Variants in GAK observed in about 807,000 individuals in gnomAD.
GAK encodes cyclin G associated kinase.
A neutral mutation model predicts 143.9 loss-of-function variants in GAK; 79 were observed. The observed-to-expected ratio is 0.55, with a 90% CI of 0.46 to 0.66. The LOEUF is 0.66. GAK is among the 30% of genes least tolerant of loss of function. GAK has a pLI of 0.00. For missense variants in GAK, 1,693 were observed against 1,779.7 expected, an observed-to-expected ratio of 0.95 and a Z score of 0.88; for synonymous variants, 881 against 765.5, an observed-to-expected ratio of 1.15 and a Z score of -2.49.
intron 17 of GAK, 79 bp from the exon 18 acceptor site, chr4:876,688 G>A (rs567812384): frequency 6.0e-5 from 75 of 1,252,196 alleles, no homozygotes; most frequent in Non-Finnish European, 8.3e-5. Context: ...TTTCCCAATG[G>A]GCGAGATCTG....
intron 17 of GAK, 33 bp from the exon 18 acceptor site, chr4:876,642 G>A (rs373316639): frequency 6.3e-7 from 1 of 1,590,862 alleles, no homozygotes; most frequent in Non-Finnish European, 8.6e-7. Context: ...ACCCCACGTG[G>A]AGGGTGAATC....
Position 885,179 on chromosome 4 carries a change from G to A in GAK, c.1206-1093C>T, listed in dbSNP as rs190333870. 3.0e-3 allele frequency among the ~76,000 whole-genome samples: 458 copies of A among 152,256 alleles called. 2 individuals are homozygous for A. Among genetic ancestry groups the A allele is most frequent in the African/African-American group, 0.01 (426 of 41,536 alleles). The stretch of plus-strand genomic sequence containing the variant: ...GTCTTCCAAAGCAACAAGGGAAGAC[G>A]GGGAGGCACGGTGAGCCTGACGCTT... On this transcript the variant is annotated intron_variant, in intron 11 of 27. Transcript: ENST00000314167.
intron 7 of GAK, among the ~76,000 whole-genome samples, chr4:895,827 G>A (rs961406343): frequency 1.3e-5 from 2 of 152,178 alleles, no homozygotes; most frequent in South Asian, 4.1e-4. Flanking sequence ...CAGCAAGGCT[G>A]GGGTGTGGCA....
intron 3 of GAK, 46 bp downstream of exon 3, chr4:912,689 C>T (rs1366564843): frequency 1.3e-6 from 2 of 1,521,080 alleles, no homozygotes; most frequent in Admixed American, 3.4e-5. Context: ...CAGGCCTGTG[C>T]CTGCCAAAGC....
Position 911,831 on chromosome 4 carries a change from C to T in GAK, c.268-44G>A, listed in dbSNP as rs1038834935. ...AGGAGAACGTACATAACCATGTCCACAGTTCTGTGCACTTCAAAATAAATG... is the reference window on the plus strand; with the variant it reads ...AGGAGAACGTACATAACCATGTCCATAGTTCTGTGCACTTCAAAATAAATG... On this transcript the variant is annotated intron_variant, in intron 3 of 27. Transcript: ENST00000314167. 6 of 1,392,890 alleles carry T rather than the reference C, an allele frequency of 4.3e-6. No individual in the cohort carries two copies. The Admixed American group carries it at 8.4e-5, about 20-fold the overall frequency. 86.3% of individuals were successfully genotyped at this position (1,392,890 alleles called of 1,614,324 possible).
chr4:930,361 T>C (rs762510264), intron 1 of GAK, among the ~76,000 whole-genome samples: 6 of 152,036 alleles, frequency 3.9e-5, no homozygotes, highest in Non-Finnish European at 5.9e-5. Flanking sequence ...CAAGTTCTTT[T>C]GCACAACCTC....
intron 21 of GAK, 141 bp downstream of exon 21, chr4:866,815 G>A (rs1751270542): frequency 2.4e-5 from 17 of 720,082 alleles, no homozygotes; most frequent in Non-Finnish European, 3.2e-5. Flanking sequence ...ACATGACCCC[G>A]AGGCTGCTCC....
intron 17 of GAK, 57 bp downstream of exon 17, chr4:877,033 C>G (rs983436838): frequency 8.2e-6 from 10 of 1,223,950 alleles, no homozygotes; most frequent in Non-Finnish European, 1.1e-5. Flanking sequence ...TGGCCCCCAG[C>G]CCCCCATGAG....
intron 27 of GAK, 59 bp from the exon 28 acceptor site, chr4:849,833 G>GGGGGCCCCCCCCC: frequency 8.4e-7 from 1 of 1,190,150 alleles, no homozygotes; most frequent in Non-Finnish European, 1.2e-6. Context: ...GGCGGGGCAG[G>GGGGGCCCCCCCCC]ACCCCCCCCC....
At chr4:887,203 T>A (rs1368281489) in intron 11 of GAK, 16 of 131,988 alleles carry the variant, frequency 1.2e-4, no homozygotes, top group Admixed American at 2.3e-4. Context: ...GCTCGCGCAC[T>A]CACGCGTACA....
At chr4:862,774 G>T (rs1030998628) in intron 23 of GAK, among the ~76,000 whole-genome samples, 1 of 152,134 alleles carries the variant, frequency 6.6e-6, no homozygotes, top group Non-Finnish European at 1.5e-5. Context: ...TAAGTCCACT[G>T]TTGAGATCTA....
intron 9 of GAK, among the ~76,000 whole-genome samples, chr4:891,832 T>A (rs1469694023): frequency 6.6e-6 from 1 of 151,636 alleles, no homozygotes; most frequent in Non-Finnish European, 1.5e-5. Flanking sequence ...GGCCCAGGAG[T>A]GATCCCTTCC....
intron 18 of GAK, among the ~76,000 whole-genome samples, chr4:875,396 C>T (rs2152785851): frequency 6.6e-6 from 1 of 152,378 alleles, no homozygotes; most frequent in Non-Finnish European, 1.5e-5. Context: ...ACCCCGGTCT[C>T]CCGGTGCAGG....
intron 1 of GAK, among the ~76,000 whole-genome samples, chr4:915,264 T>C (rs1722943458): frequency 6.6e-6 from 1 of 152,144 alleles, no homozygotes. Context: ...CCCCAGTGCA[T>C]ACACCACTGC....
chr4:867,217 G>A lies in GAK; in HGVS notation c.2611C>T (p.Leu871=). The change falls in exon 21 of 28, where the codon CTG becomes TTG. Residue 871 remains leucine (L), a synonymous_variant. Transcript: ENST00000314167. ...TCTTCCTGTGGCACAGGCTCTGGCA[G>A]CACAGCCGGTGTCTCCACCTCAAAA... is the stretch of plus-strand genomic sequence containing the variant. ...LVFEVETPAV[L]PEPVPQEDGV... 3 of 1,612,372 alleles carry A rather than the reference G, an allele frequency of 1.9e-6. No individual in the cohort carries two copies. Among genetic ancestry groups the A allele is most frequent in the Non-Finnish European group, 1.7e-6 (2 of 1,179,386 alleles).
intron 5 of GAK, among the ~76,000 whole-genome samples, chr4:902,148 G>A (rs1719982203): frequency 6.6e-6 from 1 of 151,494 alleles, no homozygotes; most frequent in South Asian, 2.1e-4. Flanking sequence ...TGAGGTAGGA[G>A]AATCGCTGGA....
In GAK at chr4:912,808, C is replaced by T. The variant is rs1264028577; in HGVS notation, c.208-14G>A. 6.2e-7 allele frequency: 1 copy of T among 1,610,394 alleles called. No homozygotes were observed. Among genetic ancestry groups the T allele is most frequent in the East Asian group, 2.2e-5 (1 of 44,846 alleles). On this transcript the variant is annotated splice_polypyrimidine_tract_variant and intron_variant, in intron 2 of 27. Coordinates refer to ENST00000314167, the MANE Select transcript of GAK (RefSeq NM_005255.4). The stretch of plus-strand genomic sequence containing the variant: ...GGATAATAGCCTCTGTATCAGGAAA[C>T]AGCACACACAAAAGATGAAAGCAAG...
At chr4:873,711 C>T (rs1249198420) in intron 18 of GAK, among the ~76,000 whole-genome samples, 1 of 152,204 alleles carries the variant, frequency 6.6e-6, no homozygotes, top group Admixed American at 6.5e-5. Context: ...CAGCCTTCTT[C>T]CTGTTATGGT....
intron 11 of GAK, chr4:887,960 C>T (rs944062360): frequency 4.6e-5 from 7 of 152,354 alleles, no homozygotes; most frequent in African/African-American, 1.7e-4. Context: ...CACATGCACA[C>T]ATGCTCAAAG....
Sources: allele counts gnomAD v4.1 joint callset (sites outside exome capture counted in the v4.1 genomes callset), GRCh38; gene constraint gnomAD v4.1.1; transcripts MANE v1.5; gene names NCBI Gene and HGNC (gene_info 2026-07-23, HGNC 2026-07-21).